The following WARS2 variants were observed in gnomAD, a reference collection of about 807,000 sequenced individuals.
The protein encoded by WARS2 is tryptophanyl tRNA synthetase 2, mitochondrial, also known as tryptophan--tRNA ligase, mitochondrial.
WARS2 carries 28 observed loss-of-function variants against 36.5 expected under a neutral mutation model. That is an observed-to-expected ratio of 0.77 (90% CI 0.57 to 1.05). WARS2 has a LOEUF of 1.05. Among genes scored for constraint, WARS2 ranks in the 50% least tolerant of loss-of-function variants. The pLI is 0.00. For synonymous variants in WARS2, 174 were observed against 178.4 expected (o/e 0.98, Z 0.20); for missense variants, 435 against 456.8 (o/e 0.95, Z 0.44).
At chr1:119,104,851 C>T (rs989702802) in intron 1 of WARS2, among the ~76,000 whole-genome samples, 5 of 151,072 alleles carry the variant, frequency 3.3e-5, no homozygotes, top group African/African-American at 1.2e-4. Flanking sequence ...CGAAGAGCAG[C>T]AGGAAATGAG....
intron 1 of WARS2, among the ~76,000 whole-genome samples, chr1:119,081,542 G>A (rs1051165735): frequency 6.6e-6 from 1 of 152,052 alleles, no homozygotes; most frequent in Non-Finnish European, 1.5e-5. Context: ...ATGTCTTATT[G>A]GTTACATAAA....
chr1:119,036,556 A>T (rs1481211923), intron 4 of WARS2, among the ~76,000 whole-genome samples: 2 of 152,374 alleles, frequency 1.3e-5, no homozygotes, highest in East Asian at 3.9e-4. Flanking sequence ...AAGCAATTAC[A>T]GTAGCCCATA....
intron 1 of WARS2, among the ~76,000 whole-genome samples, chr1:119,122,046 C>T (rs1344484076): frequency 6.6e-6 from 1 of 152,042 alleles, no homozygotes; most frequent in Admixed American, 6.6e-5. Flanking sequence ...ATAGATGGGA[C>T]TTAATTAAAC....
intron 1 of WARS2, among the ~76,000 whole-genome samples, chr1:119,082,850 C>T (rs1164590887): frequency 6.6e-6 from 1 of 152,160 alleles, no homozygotes; most frequent in Non-Finnish European, 1.5e-5. Context: ...AAAATCCCCA[C>T]TGTGGTAGTA....
intron 1 of WARS2, among the ~76,000 whole-genome samples, chr1:119,099,288 G>T (rs991818833): frequency 1.3e-5 from 2 of 152,144 alleles, no homozygotes; most frequent in African/African-American, 4.8e-5. Context: ...GTTTTGAATT[G>T]AGTTAATGGA....
At chr1:119,055,550 A>G (rs1300613850) in intron 2 of WARS2, among the ~76,000 whole-genome samples, 1 of 152,096 alleles carries the variant, frequency 6.6e-6, no homozygotes, top group Non-Finnish European at 1.5e-5. Flanking sequence ...GCTGAGGCAC[A>G]AGATTCACTT....
At chr1:119,059,017 A>G (rs1049804358) in intron 2 of WARS2, among the ~76,000 whole-genome samples, 6 of 152,078 alleles carry the variant, frequency 3.9e-5, no homozygotes, top group Non-Finnish European at 8.8e-5. Flanking sequence ...GGTGTGAGAT[A>G]GTATCTCATT....
intron 1 of WARS2, among the ~76,000 whole-genome samples, chr1:119,135,739 T>TAGAG (rs1175169083): frequency 6.7e-4 from 78 of 115,838 alleles, no homozygotes; most frequent in Non-Finnish European, 6.8e-4. Context: ...GATAGATAGA[T>TAGAG]AGATAGATAG....
chr1:119,068,976 T>C (rs1651094774), intron 2 of WARS2, among the ~76,000 whole-genome samples: 1 of 151,556 alleles, frequency 6.6e-6, no homozygotes, highest in Non-Finnish European at 1.5e-5. Context: ...AAAAAGAAAA[T>C]AATGAGAAAA....
intron 1 of WARS2, chr1:119,086,052 G>A (rs1487761589): frequency 3.1e-6 from 4 of 1,300,262 alleles, no homozygotes; most frequent in East Asian, 2.5e-5. Context: ...TAGAGGCAAG[G>A]TCTTGCTATC....
chr1:119,107,617 C>CCT (rs1042840981), intron 1 of WARS2, among the ~76,000 whole-genome samples: 11 of 150,580 alleles, frequency 7.3e-5, no homozygotes, highest in South Asian at 4.2e-4. Context: ...CTATATAATG[C>CCT]CTCTCTCTCT....
intron 2 of WARS2, among the ~76,000 whole-genome samples, chr1:119,075,116 A>G (rs1651623750): frequency 6.6e-6 from 1 of 151,804 alleles, no homozygotes; most frequent in African/African-American, 2.4e-5. Flanking sequence ...AAAACTGCAC[A>G]TACACCTTCC....
In WARS2 at chr1:119,081,178, C is replaced by T. The variant is rs147368601; in HGVS notation, c.91-4571G>A. On this transcript the variant is annotated intron_variant, in intron 1 of 5. Transcript: ENST00000235521. ...TTTGACAGACATAGCTGAAACTATT[C>T]CTGTTGTAAGGTACTGAGCACATCC... Among the ~76,000 whole-genome samples the T allele has an allele frequency of 3.7e-3, 556 of 152,252 alleles. 1 individual carries two copies. The highest frequency in any genetic ancestry group is 5.5e-3 in the Non-Finnish European group (372 of 68,020).
chr1:119,067,222 T>C (rs1466740848), intron 2 of WARS2, among the ~76,000 whole-genome samples: 1 of 152,220 alleles, frequency 6.6e-6, no homozygotes, highest in African/African-American at 2.4e-5. Context: ...ATGGCTATAT[T>C]ATATGCAATA....
At chr1:119,039,825 G>C (rs2645295) in intron 4 of WARS2, among the ~76,000 whole-genome samples, 1 of 151,616 alleles carries the variant, frequency 6.6e-6, no homozygotes, top group Non-Finnish European at 1.5e-5. Context: ...TTTGGCTTGC[G>C]TCAAAATTTT....
At chr1:119,105,769 G>A (rs1030549598) in intron 1 of WARS2, among the ~76,000 whole-genome samples, 20 of 152,088 alleles carry the variant, frequency 1.3e-4, no homozygotes, top group African/African-American at 7.2e-5. Flanking sequence ...AAAATTAGCC[G>A]GTGTGGTAAT....
chr1:119,115,879 T>C (rs750821730), intron 1 of WARS2, among the ~76,000 whole-genome samples: 4 of 152,218 alleles, frequency 2.6e-5, no homozygotes, highest in African/African-American at 9.6e-5. Context: ...CAAATATTTT[T>C]ACTCTTCCAC....
intron 2 of WARS2, among the ~76,000 whole-genome samples, chr1:119,073,153 CAAAAAA>C (rs1651456449): frequency 7.8e-6 from 1 of 127,966 alleles, no homozygotes; most frequent in East Asian, 2.1e-4. Flanking sequence ...ATCTCTAGTT[CAAAAAA>C]GAAAAAAAAA....
At chr1:119,043,274 C>T (rs941763562) in intron 3 of WARS2, among the ~76,000 whole-genome samples, 1 of 152,182 alleles carries the variant, frequency 6.6e-6, no homozygotes, top group Non-Finnish European at 1.5e-5. Flanking sequence ...ACAAATCTTA[C>T]TCATTGAGTT....
Sources: gnomAD v4.1 joint callset for allele counts (sites outside exome capture counted in the v4.1 genomes callset) on GRCh38, gnomAD v4.1.1 for gene constraint, MANE v1.5 for transcripts, NCBI Gene and HGNC (gene_info 2026-07-23, HGNC 2026-07-21) for gene names.